MOSMO: variants seen among roughly 807,000 people sequenced by gnomAD.
The protein encoded by MOSMO is modulator of smoothened protein.
Under a neutral mutation model 18.4 loss-of-function variants are expected in MOSMO, and 5 were observed. That is an observed-to-expected ratio of 0.27 (90% CI 0.14 to 0.57). The LOEUF (loss-of-function observed/expected upper bound fraction) is 0.57, where lower values mean the gene tolerates loss of function less well. Ranked by LOEUF, MOSMO falls within the 20% of genes least tolerant of loss-of-function variation. The probability of loss-of-function intolerance (pLI) is 0.92; values close to 1 mark genes in which losing one functional copy is unlikely to be tolerated. For synonymous variants in MOSMO, 82 were observed against 82.3 expected (o/e 1.00, Z 0.02); for missense variants, 138 against 211.8 (o/e 0.65, Z 2.16).
intron 1 of MOSMO, among the ~76,000 whole-genome samples, chr16:22,009,074 CCCCGCCCATCCCCTG>C (rs1899460354): frequency 6.6e-6 from 1 of 152,164 alleles, no homozygotes; most frequent in Non-Finnish European, 1.5e-5. Flanking sequence ...GCACCGCCGC[CCCCGCCCATCCCCTG>C]CCCGCTTGGC....
intron 1 of MOSMO, among the ~76,000 whole-genome samples, chr16:22,044,094 C>T (rs1326880655): frequency 6.6e-6 from 1 of 152,066 alleles, no homozygotes; most frequent in East Asian, 1.9e-4. Context: ...GAGGGAACCC[C>T]CCGCCCCCAT....
Position 22,083,097 on chromosome 16 carries a change from TATGAC to T in MOSMO, c.*2223_*2227del, listed in dbSNP as rs933315404. On this transcript the variant is annotated 3_prime_UTR_variant, in exon 3 of 3. Transcript: ENST00000542527. ...TAGCAAAGTATGGTTCAAATTAACT[TATGAC>T]ATGACCAAGAGCTTTTCTCTTCCAA... 1 of 152,262 alleles carries T rather than the reference TATGAC, an allele frequency of 6.6e-6. No individual in the cohort carries two copies. Among genetic ancestry groups the T allele is most frequent in the Non-Finnish European group, 1.5e-5 (1 of 68,056 alleles). 9.4% of individuals were successfully genotyped at this position (152,262 alleles called of 1,614,324 possible). A position where few individuals can be genotyped will look rare whatever the true frequency, so the allele number is the denominator to read the frequency against.
intron 1 of MOSMO, among the ~76,000 whole-genome samples, chr16:22,050,887 GAA>G (rs34532029): frequency 0.025 from 1,772 of 70,470 alleles, 21 homozygotes; most frequent in Non-Finnish European, 0.037. Context: ...TGTCTCTTAA[GAA>G]AAAAAAAAAA....
chr16:22,045,066 T>C (rs1475466591), intron 1 of MOSMO, among the ~76,000 whole-genome samples: 1 of 151,616 alleles, frequency 6.6e-6, no homozygotes, highest in Non-Finnish European at 1.5e-5. Context: ...ATGCCTGTAG[T>C]CCCGGCTACT....
chr16:22,013,988 T>C (rs575552737), intron 1 of MOSMO, among the ~76,000 whole-genome samples: 2 of 152,278 alleles, frequency 1.3e-5, no homozygotes, highest in East Asian at 3.9e-4. Flanking sequence ...ATTATTTTAT[T>C]ACTAAGAAAG....
At position 22,008,210 on chromosome 16, in the gene MOSMO, G is replaced by T. The variant is rs1206315721; in HGVS notation, c.-92G>T. 1.7e-5 allele frequency: 9 copies of T among 544,390 alleles called. No homozygotes were observed. The highest frequency in any genetic ancestry group is 1.6e-4 in the African/African-American group (8 of 49,884). The allele number at this position is 544,390 out of a possible 1,614,324, so 33.7% of individuals were successfully genotyped here. On this transcript the variant is annotated 5_prime_UTR_variant, in exon 1 of 3. Transcript: ENST00000542527. ...GAGGGGGCGCGAGGCAGCGGCGCGG[G>T]GACTCCGGGCCCCGGCGGCGGCCCA...
At chr16:22,026,899 A>G (rs1219573970) in intron 1 of MOSMO, among the ~76,000 whole-genome samples, 1 of 152,004 alleles carries the variant, frequency 6.6e-6, no homozygotes, top group Non-Finnish European at 1.5e-5. Context: ...TGCTTAAAGT[A>G]TTCGTGTAGC....
chr16:22,033,427 G>A (rs1333613463), intron 1 of MOSMO, among the ~76,000 whole-genome samples: 8 of 151,632 alleles, frequency 5.3e-5, no homozygotes, highest in South Asian at 4.2e-4. Flanking sequence ...TCACTCTGTC[G>A]CCCAGGCTAG....
At chr16:22,039,648 A>G (rs1258174369) in intron 1 of MOSMO, among the ~76,000 whole-genome samples, 1 of 152,236 alleles carries the variant, frequency 6.6e-6, no homozygotes, top group Non-Finnish European at 1.5e-5. Flanking sequence ...CCTGGCCAAC[A>G]TAATGAGTCC....
intron 1 of MOSMO, among the ~76,000 whole-genome samples, chr16:22,065,989 G>A (rs1196537551): frequency 1.3e-5 from 2 of 152,190 alleles, no homozygotes; most frequent in South Asian, 2.1e-4. Flanking sequence ...AAAATTGCCT[G>A]TATTTGGGTA....
At chr16:22,011,471 A>G (rs1356563180) in intron 1 of MOSMO, among the ~76,000 whole-genome samples, 1 of 152,174 alleles carries the variant, frequency 6.6e-6, no homozygotes, top group Admixed American at 6.5e-5. Context: ...GTGAAAATGA[A>G]TAAAAACTAA....
At chr16:22,044,496 A>AT (rs1478257632) in intron 1 of MOSMO, among the ~76,000 whole-genome samples, 1 of 152,216 alleles carries the variant, frequency 6.6e-6, no homozygotes, top group African/African-American at 2.4e-5. Flanking sequence ...GAGCACTGAC[A>AT]TGATGCTCAA....
chr16:22,018,711 C>T (rs1364185814), intron 1 of MOSMO, among the ~76,000 whole-genome samples: 1 of 152,102 alleles, frequency 6.6e-6, no homozygotes, highest in Non-Finnish European at 1.5e-5. Flanking sequence ...AAAATTGTAT[C>T]TTGCATGTCT....
chr16:22,027,075 A>G (rs1196713683), intron 1 of MOSMO, among the ~76,000 whole-genome samples: 2 of 152,230 alleles, frequency 1.3e-5, no homozygotes, highest in Non-Finnish European at 2.9e-5. Flanking sequence ...AAAATCTAGG[A>G]CTAGGATTTC....
At chr16:22,065,451 G>A (rs779114629) in intron 1 of MOSMO, among the ~76,000 whole-genome samples, 1 of 152,102 alleles carries the variant, frequency 6.6e-6, no homozygotes, top group Non-Finnish European at 1.5e-5. Context: ...CTTGCCTTGT[G>A]TGTGGTCATC....
chr16:22,033,821 AAAAAT>A (rs764134176), intron 1 of MOSMO, among the ~76,000 whole-genome samples: 19 of 152,156 alleles, frequency 1.2e-4, no homozygotes, highest in Middle Eastern at 6.8e-3. Context: ...TCCATCTCAA[AAAAAT>A]AAAATAAAAT....
At chr16:22,041,429 C>T (rs545814040) in intron 1 of MOSMO, among the ~76,000 whole-genome samples, 4 of 152,196 alleles carry the variant, frequency 2.6e-5, no homozygotes, top group South Asian at 4.2e-4. Context: ...ACAGAGAATC[C>T]GATTCAGCAG....
chr16:22,008,473 C>G, intron 1 of MOSMO, 66 bp downstream of exon 1: 3 of 1,164,266 alleles, frequency 2.6e-6, no homozygotes, highest in Non-Finnish European at 3.6e-6. Context: ...AGGGGAGACC[C>G]GGACTGAGGA....
rs571671637 is a variant in MOSMO, at chr16:22,016,509, A to C, written c.106+8102A>C. Among the ~76,000 whole-genome samples the C allele has an allele frequency of 2.6e-5, 4 of 152,344 alleles. 1 individual carries two copies. The South Asian group carries it at 8.3e-4, about 32-fold the overall frequency. ...GAACCCAGCTGGGTCCAATCTGGGA[A>C]GAGAGACTGCATAGTCAGTTGTTGT... On this transcript the variant is annotated intron_variant, in intron 1 of 2. Transcript: ENST00000542527.
Sources: gnomAD v4.1 joint callset for allele counts (sites outside exome capture counted in the v4.1 genomes callset) on GRCh38, gnomAD v4.1.1 for gene constraint, MANE v1.5 for transcripts, NCBI Gene and HGNC (gene_info 2026-07-23, HGNC 2026-07-21) for gene names.